Variants in TCF12 observed in about 807,000 individuals in gnomAD.
TCF12 encodes the protein DNA-binding protein HTF4.
Under a neutral mutation model 86.0 loss-of-function variants are expected in TCF12, and 45 were observed. That is an observed-to-expected ratio of 0.52 (90% CI 0.41 to 0.67). The LOEUF (loss-of-function observed/expected upper bound fraction) is 0.67. Among genes scored for constraint, TCF12 ranks in the 30% least tolerant of loss-of-function variants. The pLI is 0.00. For missense variants in TCF12, 881 were observed against 859.9 expected, an observed-to-expected ratio of 1.02 and a Z score of -0.31; for synonymous variants, 330 against 299.6, an observed-to-expected ratio of 1.10 and a Z score of -1.05.
At chr15:57,139,471 A>G (rs1311087492) in intron 5 of TCF12, among the ~76,000 whole-genome samples, 1 of 152,174 alleles carries the variant, frequency 6.6e-6, no homozygotes, top group African/African-American at 2.4e-5. Flanking sequence ...GGAGCAGAAG[A>G]CAGATTCTCT....
chr15:57,156,913 A>G (rs2054149562), intron 5 of TCF12, among the ~76,000 whole-genome samples: 1 of 152,252 alleles, frequency 6.6e-6, no homozygotes, highest in Admixed American at 6.5e-5. Context: ...GAGCATTGAT[A>G]CAAGGATTTG....
In TCF12 at chr15:57,286,373, G is replaced by A; in HGVS notation, c.*228G>A. Reference sequence around the variant, plus strand: ...CTCATCAGATAGAACATCAGCCCATGAGATGTTTGCAACAAATCTTTTGTT... The same window carrying A: ...CTCATCAGATAGAACATCAGCCCATAAGATGTTTGCAACAAATCTTTTGTT... On this transcript the variant is annotated 3_prime_UTR_variant, in exon 21 of 21. Coordinates refer to ENST00000333725, the MANE Select transcript of TCF12 (RefSeq NM_207037.2). The A allele has an allele frequency of 3.9e-6, 1 of 259,538 alleles. No homozygotes were observed. Among genetic ancestry groups the A allele is most frequent in the Non-Finnish European group, 7.7e-6 (1 of 130,012 alleles). 16.1% of individuals were successfully genotyped at this position (259,538 alleles called of 1,614,324 possible). A position where few individuals can be genotyped will look rare whatever the true frequency, so the allele number is the denominator to read the frequency against.
intron 3 of TCF12, among the ~76,000 whole-genome samples, chr15:57,043,888 C>G (rs908551539): frequency 2.0e-5 from 3 of 151,856 alleles, no homozygotes; most frequent in Non-Finnish European, 4.4e-5. Context: ...TATTAGTTTT[C>G]TAGTTCCCTT....
chr15:56,992,672 C>T (rs1374997434), intron 3 of TCF12, among the ~76,000 whole-genome samples: 2 of 152,032 alleles, frequency 1.3e-5, no homozygotes, highest in Non-Finnish European at 1.5e-5. Context: ...TTTTGAGGAC[C>T]TTGCAGTGAT....
intron 5 of TCF12, chr15:57,109,148 C>T (rs1441059905): frequency 6.6e-6 from 1 of 152,174 alleles, no homozygotes; most frequent in Non-Finnish European, 1.5e-5. Context: ...GTCAGTTAAT[C>T]TGGCTGTAGG....
intron 3 of TCF12, among the ~76,000 whole-genome samples, chr15:56,965,069 A>G (rs754327951): frequency 6.6e-6 from 1 of 152,204 alleles, no homozygotes; most frequent in Non-Finnish European, 1.5e-5. Flanking sequence ...CTTAAGTGGT[A>G]GTATTCTAGA....
intron 8 of TCF12, among the ~76,000 whole-genome samples, chr15:57,203,747 A>C (rs765171253): frequency 2.0e-5 from 3 of 152,184 alleles, no homozygotes; most frequent in Non-Finnish European, 4.4e-5. Context: ...AATTTACCCC[A>C]TCAAGAAAAA....
chr15:57,150,817 G>A (rs756620528), intron 5 of TCF12, among the ~76,000 whole-genome samples: 11 of 151,660 alleles, frequency 7.3e-5, no homozygotes, highest in African/African-American at 1.2e-4. Flanking sequence ...TGAAAAAAAC[G>A]GAATTTATTC....
At chr15:57,167,036 A>C (rs1567550985) in intron 6 of TCF12, among the ~76,000 whole-genome samples, 1 of 152,190 alleles carries the variant, frequency 6.6e-6, no homozygotes, top group Non-Finnish European at 1.5e-5. Context: ...GCAGATTCCC[A>C]TCAGAATCAA....
chr15:57,204,690 A>G (rs1215117253), intron 8 of TCF12, among the ~76,000 whole-genome samples: 2 of 152,136 alleles, frequency 1.3e-5, no homozygotes, highest in Non-Finnish European at 2.9e-5. Flanking sequence ...GCGTGCTGCT[A>G]TACATACTAA....
downstream of TCF12, chr15:57,290,712 C>T (rs79215926): frequency 0.012 from 1,835 of 152,310 alleles, 19 homozygotes; most frequent in Non-Finnish European, 0.02. Flanking sequence ...GTATCAGTGT[C>T]CCTGTTTTGG....
In TCF12 at chr15:57,121,994, T is replaced by C. The variant is rs567208433; in HGVS notation, c.325+30103T>C. On this transcript the variant is annotated intron_variant, in intron 5 of 20. Transcript: ENST00000333725. ...TGAGATTAGAATAAAATAGAGATTT[T>C]TATTTGTGTATTACATATTTAGCCA... is the stretch of plus-strand genomic sequence containing the variant. 9.2e-5 allele frequency among the ~76,000 whole-genome samples: 14 copies of C among 152,178 alleles called. No homozygotes were observed. In the South Asian group the frequency reaches 1.0e-3, roughly 11 times the overall value.
At chr15:57,166,834 T>G (rs183441087) in intron 6 of TCF12, among the ~76,000 whole-genome samples, 2 of 152,348 alleles carry the variant, frequency 1.3e-5, no homozygotes, top group African/African-American at 4.8e-5. Flanking sequence ...GTCAAACTGA[T>G]CATTAATATT....
chr15:57,041,241 C>T (rs1291804263), intron 3 of TCF12, among the ~76,000 whole-genome samples: 2 of 152,132 alleles, frequency 1.3e-5, no homozygotes, highest in Non-Finnish European at 2.9e-5. Context: ...ACAAATTTAG[C>T]TCTGAGTGCT....
At position 57,232,787 on chromosome 15, in the gene TCF12, A is replaced by G; in HGVS notation, c.901A>G (p.Ser301Gly). The G allele has an allele frequency of 1.2e-6, 2 of 1,613,042 alleles. No homozygotes were observed. The highest frequency in any genetic ancestry group is 8.5e-7 in the Non-Finnish European group (1 of 1,179,512). ...ACCAATGTCCAGCTTTCATCGCGGC[A>G]GTACCAGCAGTTCACCTTACGTTGC... is the stretch of plus-strand genomic sequence containing the variant. ...LPPMSSFHRG[S>G]TSSSPYVAAS... Residue 301 changes from serine to glycine, a missense_variant, in exon 11 of 21, where the codon AGT becomes GGT. This residue lies in a region of TCF12 where 766 missense variants were observed against 718.9 expected (regional missense o/e 1.07). Coordinates refer to ENST00000333725, the MANE Select transcript of TCF12 (RefSeq NM_207037.2).
rs117906068 is a variant in TCF12, at chr15:57,021,437, G to T, written c.149-42313G>T. Among the ~76,000 whole-genome samples, 1,376 of 152,334 alleles carry T rather than the reference G, an allele frequency of 9.0e-3. 14 individuals carry two copies. The highest frequency in any genetic ancestry group is 0.018 in the South Asian group (87 of 4,822). ...GGAGGCCCAGGAGGGCGGATCACAA[G>T]GTCAGAAAACATTGGCATCAACAGT... On this transcript the variant is annotated intron_variant, in intron 3 of 20. Coordinates refer to ENST00000333725, the MANE Select transcript of TCF12 (RefSeq NM_207037.2).
intron 7 of TCF12, 151 bp from the exon 8 acceptor site, chr15:57,197,622 G>A (rs1372129630): frequency 2.9e-6 from 2 of 698,950 alleles, no homozygotes; most frequent in Admixed American, 6.2e-5. Flanking sequence ...CTAGTTAAAA[G>A]GAATGAAGCC....
chr15:57,089,798 T>A (rs1344149019), intron 4 of TCF12, among the ~76,000 whole-genome samples: 1 of 152,146 alleles, frequency 6.6e-6, no homozygotes, highest in African/African-American at 2.4e-5. Context: ...AGTATTTTTA[T>A]AGGTTTTGAT....
intron 3 of TCF12, among the ~76,000 whole-genome samples, chr15:57,042,163 G>T (rs775925616): frequency 6.6e-6 from 1 of 151,740 alleles, no homozygotes; most frequent in Non-Finnish European, 1.5e-5. Flanking sequence ...TTGTTGCCCA[G>T]GCTGGAGTGC....
Sources: allele counts gnomAD v4.1 joint callset (sites outside exome capture counted in the v4.1 genomes callset), GRCh38; gene constraint gnomAD v4.1.1; regional missense constraint gnomAD v4.1.1; transcripts MANE v1.5; gene names NCBI Gene and HGNC (gene_info 2026-07-23, HGNC 2026-07-21).